The following VSTM5 variants were observed in gnomAD, a reference collection of about 807,000 sequenced individuals.
VSTM5 encodes the protein V-set and transmembrane domain containing 5.
In VSTM5, 21 loss-of-function variants were observed where a neutral mutation model predicts 20.3. The observed-to-expected ratio is 1.03, with a 90% CI of 0.73 to 1.49. The LOEUF is 1.49. Among genes scored for constraint, VSTM5 ranks in the 40% most tolerant of loss-of-function variants. VSTM5 has a pLI of 0.00. For missense variants in VSTM5, 219 were observed against 250.0 expected (o/e 0.88, Z 0.84); for synonymous variants, 100 against 102.5 (o/e 0.98, Z 0.14).
intron 1 of VSTM5, among the ~76,000 whole-genome samples, chr11:93,850,118 T>C (rs1032272624): frequency 6.6e-6 from 1 of 152,198 alleles, no homozygotes; most frequent in Non-Finnish European, 1.5e-5. Flanking sequence ...CCAGCTCTGA[T>C]AACCGTAGGC....
At chr11:93,849,104 G>A (rs1226193395) in intron 1 of VSTM5, among the ~76,000 whole-genome samples, 1 of 152,088 alleles carries the variant, frequency 6.6e-6, no homozygotes, top group Non-Finnish European at 1.5e-5. Context: ...CAGTCACCTT[G>A]TATAAGTTAA....
chr11:93,823,108 C>T (rs1169717731), intron 1 of VSTM5, among the ~76,000 whole-genome samples: 1 of 152,108 alleles, frequency 6.6e-6, no homozygotes, highest in Non-Finnish European at 1.5e-5. Context: ...ATAACAACTC[C>T]AAGTTTCTCA....
intron 1 of VSTM5, among the ~76,000 whole-genome samples, chr11:93,847,126 T>A (rs1453940316): frequency 1.3e-5 from 2 of 152,162 alleles, no homozygotes; most frequent in African/African-American, 2.4e-5. Context: ...GGTACATTTG[T>A]ATGTATGCAA....
At chr11:93,826,194 C>T (rs137974692) in intron 1 of VSTM5, among the ~76,000 whole-genome samples, 2,428 of 152,028 alleles carry the variant, frequency 0.016, 54 homozygotes, top group African/African-American at 0.054. Context: ...GAGCTATGAT[C>T]GTGCCATTGC....
chr11:93,838,084 C>G (rs570452413), intron 1 of VSTM5, among the ~76,000 whole-genome samples: 2 of 152,280 alleles, frequency 1.3e-5, no homozygotes, highest in East Asian at 3.9e-4. Flanking sequence ...CCGAAAGACC[C>G]AGGTTCTATC....
chr11:93,843,458 CTGAA>C (rs10566414), intron 1 of VSTM5, among the ~76,000 whole-genome samples: 8,592 of 151,688 alleles, frequency 0.057, 357 homozygotes, highest in African/African-American at 0.1. Context: ...TCATATGTAC[CTGAA>C]TGAATGAATG....
In VSTM5 at chr11:93,820,850, A is replaced by G. The variant is rs1944175949; in HGVS notation, c.452T>C (p.Val151Ala). Reference protein sequence around the residue: ...ILYEDLHFVAVILAFLAAVAA... With the variant: ...ILYEDLHFVAAILAFLAAVAA... ...CACAGCAGCGAGAAAAGCAAGGATG[A>G]CAGCGACAAAGTGCAGGTCTTCATA... The change falls in exon 3 of 4, where the codon GTC becomes GCC. Residue 151 changes from valine to alanine, a missense_variant. Coordinates refer to ENST00000409977, the MANE Select transcript of VSTM5 (RefSeq NM_001144871.2). 1.3e-6 allele frequency: 2 copies of G among 1,550,580 alleles called. No individual in the cohort carries two copies. Among genetic ancestry groups the G allele is most frequent in the South Asian group, 2.4e-5 (2 of 84,070 alleles).
intron 1 of VSTM5, among the ~76,000 whole-genome samples, chr11:93,836,671 C>G (rs1944325593): frequency 6.6e-6 from 1 of 152,212 alleles, no homozygotes; most frequent in South Asian, 2.1e-4. Flanking sequence ...GTTTTCATAG[C>G]ACTTTTCCAT....
intron 1 of VSTM5, among the ~76,000 whole-genome samples, chr11:93,830,759 CTT>C (rs553124123): frequency 4.9e-4 from 67 of 135,968 alleles, no homozygotes; most frequent in Admixed American, 5.2e-4. Flanking sequence ...TCGGTTGGTT[CTT>C]TTTTTTTTTT....
At chr11:93,826,369 A>C (rs1040239521) in intron 1 of VSTM5, among the ~76,000 whole-genome samples, 1 of 151,494 alleles carries the variant, frequency 6.6e-6, no homozygotes, top group Non-Finnish European at 1.5e-5. Flanking sequence ...TACTTCCTTG[A>C]AGTGTAAAGT....
chr11:93,850,186 C>T (rs112658344), intron 1 of VSTM5, among the ~76,000 whole-genome samples: 65,812 of 151,960 alleles, frequency 0.43, 15,919 homozygotes, highest in Admixed American at 0.57. Context: ...CGGCCGGTAG[C>T]CTCTGCTTTG....
At chr11:93,833,976 C>T (rs2135734805) in intron 1 of VSTM5, among the ~76,000 whole-genome samples, 1 of 152,200 alleles carries the variant, frequency 6.6e-6, no homozygotes, top group East Asian at 1.9e-4. Context: ...AATCCATCTT[C>T]CTCACTTCCC....
Position 93,821,112 on chromosome 11 carries a change from G to C in VSTM5, c.303C>G (p.Asp101Glu), listed in dbSNP as rs1225935873. ...CGCTGAAGAGCTGGATGGAGCCGTT[G>C]TCAAAGGTGCAGACTCTGTCCTTGT... ...QSHKDRVCTF[D>E]NGSIQLFSVG... is the part of the protein sequence containing the mutation. The change falls in exon 2 of 4, where the codon GAC becomes GAG. Residue 101 changes from aspartate (D) to glutamate (E), a missense_variant. Transcript: ENST00000409977. 3.2e-6 allele frequency: 5 copies of C among 1,551,926 alleles called. No homozygotes were observed. In the Admixed American group the frequency reaches 7.8e-5, roughly 24 times the overall value.
chr11:93,845,207 G>T (rs540974157), intron 1 of VSTM5, among the ~76,000 whole-genome samples: 1 of 152,264 alleles, frequency 6.6e-6, no homozygotes, highest in East Asian at 1.9e-4. Context: ...TGATCTAATT[G>T]GTCTACAGCA....
At chr11:93,832,800 C>T (rs1944293254) in intron 1 of VSTM5, among the ~76,000 whole-genome samples, 1 of 152,184 alleles carries the variant, frequency 6.6e-6, no homozygotes, top group Non-Finnish European at 1.5e-5. Context: ...GTGTCCAAGT[C>T]TTTGCTAAGT....
rs149284364 is a variant in VSTM5, at chr11:93,822,230, C to T, written c.92-907G>A. ...CCAAGTAGCTGGGATTACAGGTGCCCGCCACCACACCTGGCTAACTTTTTG... is the reference window on the plus strand; with the variant it reads ...CCAAGTAGCTGGGATTACAGGTGCCTGCCACCACACCTGGCTAACTTTTTG... On this transcript the variant is annotated intron_variant, in intron 1 of 3. Coordinates refer to ENST00000409977, the MANE Select transcript of VSTM5 (RefSeq NM_001144871.2). Among the ~76,000 whole-genome samples, 379 of 151,870 alleles carry T rather than the reference C, an allele frequency of 2.5e-3. 12 individuals carry two copies. In the East Asian group the frequency reaches 0.057, roughly 23 times the overall value.
intron 1 of VSTM5, among the ~76,000 whole-genome samples, chr11:93,833,788 T>G (rs1944301513): frequency 6.6e-6 from 1 of 152,142 alleles, no homozygotes; most frequent in South Asian, 2.1e-4. Context: ...TACTGCAAGT[T>G]ACAGCATCAT....
Position 93,821,109 on chromosome 11 carries a change from G to A in VSTM5, c.306C>T (p.Asn102=), listed in dbSNP as rs1045368422. 2.8e-5 allele frequency: 44 copies of A among 1,551,892 alleles called. No individual in the cohort carries two copies. The East Asian group carries it at 4.4e-4, about 16-fold the overall frequency. Residue 102 remains asparagine, a synonymous_variant, in exon 2 of 4, where the codon AAC becomes AAT. Transcript: ENST00000409977. ...SHKDRVCTFD[N]GSIQLFSVGV... The stretch of plus-strand genomic sequence containing the variant: ...CCACGCTGAAGAGCTGGATGGAGCC[G>A]TTGTCAAAGGTGCAGACTCTGTCCT...
rs142259356 is a variant in VSTM5 at position 93,831,050 on chromosome 11, C to T, written c.92-9727G>A. Among the ~76,000 whole-genome samples, 37 of 152,070 alleles carry T rather than the reference C, an allele frequency of 2.4e-4. No individual in the cohort carries two copies. In the South Asian group the frequency reaches 5.0e-3, roughly 21 times the overall value. The stretch of plus-strand genomic sequence containing the variant: ...CTGAGATTACAGGTGTGTGCCATCA[C>T]GCCTGGTAGTTTTTTGTTTTTTGTT... On this transcript the variant is annotated intron_variant, in intron 1 of 3. Coordinates refer to ENST00000409977, the MANE Select transcript of VSTM5 (RefSeq NM_001144871.2).
Sources: allele counts gnomAD v4.1 joint callset (sites outside exome capture counted in the v4.1 genomes callset), GRCh38; gene constraint gnomAD v4.1.1; transcripts MANE v1.5; gene names NCBI Gene and HGNC (gene_info 2026-07-23, HGNC 2026-07-21).